CPN1: variants seen among roughly 807,000 people sequenced by gnomAD.
The protein encoded by CPN1 is carboxypeptidase N catalytic chain.
A neutral mutation model predicts 46.4 loss-of-function variants in CPN1; 37 were observed. The observed-to-expected ratio is 0.80, with a 90% CI of 0.61 to 1.05. The LOEUF (loss-of-function observed/expected upper bound fraction) is 1.05. CPN1 is among the 50% of genes least tolerant of loss of function. The pLI, the probability that CPN1 is intolerant of heterozygous loss-of-function variation, is 0.00. For missense variants in CPN1, 563 were observed against 602.6 expected, an observed-to-expected ratio of 0.93 and a Z score of 0.69; for synonymous variants, 224 against 235.4, an observed-to-expected ratio of 0.95 and a Z score of 0.44.
At chr10:100,048,673 TG>T (rs2041330276) in intron 8 of CPN1, 84 bp downstream of exon 8, 5 of 1,010,442 alleles carry the variant, frequency 4.9e-6, no homozygotes, top group Non-Finnish European at 7.8e-6. Flanking sequence ...CACTCCAGCC[TG>T]GGTGACAGAG....
Position 100,081,689 on chromosome 10 carries a change from C to T in CPN1, c.-64G>A, listed in dbSNP as rs2041548380. 7.2e-7 allele frequency: 1 copy of T among 1,386,198 alleles called. No individual in the cohort carries two copies. The highest frequency in any genetic ancestry group is 1.9e-5 in the Admixed American group (1 of 53,670). The allele number at this position is 1,386,198 out of a possible 1,614,324, so 85.9% of individuals were successfully genotyped here. A position where few individuals can be genotyped will look rare whatever the true frequency, so the allele number is the denominator to read the frequency against. The stretch of plus-strand genomic sequence containing the variant: ...CCCACCTCCTTAAACAACCTAGCCT[C>T]TTCACCCGCCAAAATCCAAGGTCCA... On this transcript the variant is annotated 5_prime_UTR_variant, in exon 1 of 9. Transcript: ENST00000370418.
At chr10:100,044,894 A>G (rs961189498) in intron 8 of CPN1, among the ~76,000 whole-genome samples, 1 of 152,068 alleles carries the variant, frequency 6.6e-6, no homozygotes, top group Non-Finnish European at 1.5e-5. Flanking sequence ...TATTTTGAGT[A>G]GAGACAGGGC....
chr10:100,055,219 C>T (rs1468928727), intron 6 of CPN1, among the ~76,000 whole-genome samples: 1 of 151,380 alleles, frequency 6.6e-6, no homozygotes, highest in Non-Finnish European at 1.5e-5. Context: ...GCCTGGGCAA[C>T]AGAGTGAGAC....
intron 7 of CPN1, 122 bp downstream of exon 7, chr10:100,054,225 C>G (rs1332125156): frequency 7.8e-6 from 6 of 769,198 alleles, no homozygotes; most frequent in African/African-American, 6.8e-5. Context: ...TCCATCCCCC[C>G]CACTCCCAGC....
At chr10:100,061,379 T>C (rs2041416735) in intron 5 of CPN1, among the ~76,000 whole-genome samples, 1 of 152,200 alleles carries the variant, frequency 6.6e-6, no homozygotes, top group Non-Finnish European at 1.5e-5. Flanking sequence ...TAAAAAATGC[T>C]TGAATAAAAT....
At chr10:100,053,247 G>GGA (rs1227795908) in intron 7 of CPN1, among the ~76,000 whole-genome samples, 2 of 152,222 alleles carry the variant, frequency 1.3e-5, no homozygotes, top group Non-Finnish European at 2.9e-5. Context: ...AGAAAGCTGA[G>GGA]AGTTCATCCA....
chr10:100,067,139 T>C (rs2041458810), intron 3 of CPN1, among the ~76,000 whole-genome samples: 1 of 152,216 alleles, frequency 6.6e-6, no homozygotes, highest in South Asian at 2.1e-4. Context: ...TTTTGGTTTT[T>C]TTGTGAGATG....
In CPN1 at chr10:100,069,884, A is replaced by C; in HGVS notation, c.421-15T>G. ...TTGTTTGGGCCCTAAAGGAAAATGA[A>C]AAGATGAAAAATGAAGGTTTCAGAT... is the stretch of plus-strand genomic sequence containing the variant. On this transcript the variant is annotated splice_polypyrimidine_tract_variant and intron_variant, in intron 2 of 8. Coordinates refer to ENST00000370418, the MANE Select transcript of CPN1 (RefSeq NM_001308.3). 6.2e-7 allele frequency: 1 copy of C among 1,612,904 alleles called. No individual in the cohort carries two copies. Among genetic ancestry groups the C allele is most frequent in the Non-Finnish European group, 8.5e-7 (1 of 1,179,886 alleles).
At chr10:100,046,987 T>C (rs2041316989) in intron 8 of CPN1, among the ~76,000 whole-genome samples, 1 of 152,096 alleles carries the variant, frequency 6.6e-6, no homozygotes, top group South Asian at 2.1e-4. Flanking sequence ...GGCAGGAGAA[T>C]TGCTTGAACC....
intron 3 of CPN1, among the ~76,000 whole-genome samples, chr10:100,066,775 G>A (rs749761670): frequency 3.3e-5 from 5 of 152,168 alleles, no homozygotes; most frequent in Non-Finnish European, 5.9e-5. Context: ...TCCATCCCAA[G>A]GGGACTGGAT....
chr10:100,073,283 T>C (rs2041496152), intron 2 of CPN1, among the ~76,000 whole-genome samples: 1 of 152,222 alleles, frequency 6.6e-6, no homozygotes, highest in Admixed American at 6.5e-5. Context: ...TTCCAGGGGC[T>C]TGTCACTGCT....
intron 6 of CPN1, 82 bp downstream of exon 6, chr10:100,056,931 C>A: frequency 6.3e-7 from 1 of 1,576,418 alleles, no homozygotes; most frequent in Non-Finnish European, 8.7e-7. Flanking sequence ...AAAAGTCAGA[C>A]CTGAACCAGT....
At chr10:100,053,149 T>G (rs1243488017) in intron 7 of CPN1, among the ~76,000 whole-genome samples, 1 of 152,242 alleles carries the variant, frequency 6.6e-6, no homozygotes, top group Non-Finnish European at 1.5e-5. Context: ...GATACTTCAC[T>G]GTGAGGCTAC....
chr10:100,047,284 A>G (rs2041320069), intron 8 of CPN1, among the ~76,000 whole-genome samples: 1 of 152,008 alleles, frequency 6.6e-6, no homozygotes, highest in African/African-American at 2.4e-5. Context: ...TATCTGACCT[A>G]TCTTGTTTGA....
intron 1 of CPN1, 114 bp from the exon 2 acceptor site, chr10:100,076,221 A>G: frequency 2.9e-6 from 3 of 1,032,542 alleles, no homozygotes; most frequent in Non-Finnish European, 4.4e-6. Context: ...TCATGCTTTC[A>G]TTGGGTCTTT....
chr10:100,044,537 G>C (rs2041296926), intron 8 of CPN1, among the ~76,000 whole-genome samples: 1 of 151,896 alleles, frequency 6.6e-6, no homozygotes, highest in Non-Finnish European at 1.5e-5. Context: ...ACCATGCCCG[G>C]CTAATTTTTG....
intron 2 of CPN1, among the ~76,000 whole-genome samples, chr10:100,070,351 C>T (rs1180001488): frequency 6.6e-6 from 1 of 151,954 alleles, no homozygotes; most frequent in Non-Finnish European, 1.5e-5. Context: ...GGTGTGGTGG[C>T]GTGTGCCTGT....
chr10:100,042,532 A>G lies in CPN1; in HGVS notation c.1272T>C (p.Pro424=). The G allele has an allele frequency of 6.2e-7, 1 of 1,613,876 alleles. No individual in the cohort carries two copies. The highest frequency in any genetic ancestry group is 8.5e-7 in the Non-Finnish European group (1 of 1,179,994). The stretch of plus-strand genomic sequence containing the variant: ...GCCTTCTGCTGGGAGCTCTCCTCAC[A>G]GGGCTTACTTGAGGGATGCTTCTTT... ...HLKRSIPQVS[P]VRRAPSRRHG... The change falls in exon 9 of 9, where the codon CCT becomes CCC. Residue 424 remains proline, a synonymous_variant. Coordinates refer to ENST00000370418, the MANE Select transcript of CPN1 (RefSeq NM_001308.3).
chr10:100,081,275 A>C (rs1436022634), intron 1 of CPN1, 128 bp downstream of exon 1: 1 of 814,128 alleles, frequency 1.2e-6, no homozygotes, highest in African/African-American at 1.7e-5. Context: ...GAAATAGCAC[A>C]GGCTGAGAAA....
Sources: allele counts gnomAD v4.1 joint callset (sites outside exome capture counted in the v4.1 genomes callset), GRCh38; gene constraint gnomAD v4.1.1; transcripts MANE v1.5; gene names NCBI Gene and HGNC (gene_info 2026-07-23, HGNC 2026-07-21).